GCGR: variants seen among roughly 807,000 people sequenced by gnomAD.
GCGR encodes glucagon receptor.
A neutral mutation model predicts 56.1 loss-of-function variants in GCGR; 41 were observed. The ratio of observed to expected loss-of-function variants is 0.73; its 90% CI spans 0.57 to 0.95. GCGR has a LOEUF of 0.95. Among genes scored for constraint, GCGR ranks in the 40% least tolerant of loss-of-function variants. GCGR has a pLI of 0.00. For synonymous variants in GCGR, 278 were observed against 271.1 expected, an observed-to-expected ratio of 1.03 and a Z score of -0.25; for missense variants, 595 against 638.2, an observed-to-expected ratio of 0.93 and a Z score of 0.73.
chr17:81,812,484 C>T lies in GCGR; in HGVS notation c.949-93C>T. On this transcript the variant is annotated intron_variant, in intron 10 of 13. Transcript: ENST00000400723. The surrounding 1 kb of genome is among the most constrained non-coding windows in gnomAD (Gnocchi z 8.5). ...GCCCAGGGCCTATCTTGCTGCCAGG[C>T]CCACCTGCAGGAGGGTCAGGTGGGG... 1 of 1,282,764 alleles carries T rather than the reference C, an allele frequency of 7.8e-7. No individual in the cohort carries two copies. The highest frequency in any genetic ancestry group is 1.1e-6 in the Non-Finnish European group (1 of 933,528). The allele number at this position is 1,282,764 out of a possible 1,614,324, so 79.5% of individuals were successfully genotyped here.
rs771337771 is a variant in GCGR at position 81,810,246 on chromosome 17, G to A, written c.163+362G>A. On this transcript the variant is annotated intron_variant, in intron 3 of 13. Coordinates refer to ENST00000400723, the MANE Select transcript of GCGR (RefSeq NM_000160.5). This position sits in a 1 kb window ranked among gnomAD's most constrained non-coding sequence, Gnocchi z 4.6. ...GGGACCCAGGGGCCTGGGAGGGCTC[G>A]GGTGGAGAGTGTATATCATGGCCTG... 5.5e-5 allele frequency: 22 copies of A among 397,712 alleles called. No individual in the cohort carries two copies. The highest frequency in any genetic ancestry group is 1.2e-4 in the African/African-American group (6 of 48,412). The allele number at this position is 397,712 out of a possible 1,614,324, so 24.6% of individuals were successfully genotyped here.
Position 81,806,277 on chromosome 17 carries a change from G to A in GCGR, c.-178+2028G>A, listed in dbSNP as rs1239148612. Among the ~76,000 whole-genome samples, 2 of 152,140 alleles carry A rather than the reference G, an allele frequency of 1.3e-5. No homozygotes were observed. Among genetic ancestry groups the A allele is most frequent in the Non-Finnish European group, 2.9e-5 (2 of 68,018 alleles). Reference sequence around the variant, plus strand: ...CTGCACCTCCTGCCTCACTATCAGAGACCCAGTGGAGAATTGCCTCCCACC... The same window carrying A: ...CTGCACCTCCTGCCTCACTATCAGAAACCCAGTGGAGAATTGCCTCCCACC... On this transcript the variant is annotated intron_variant, in intron 1 of 13. Transcript: ENST00000400723. This position sits in a 1 kb window ranked among gnomAD's most constrained non-coding sequence, Gnocchi z 6.5.
At position 81,811,316 on chromosome 17, in the gene GCGR, TG is replaced by T. The variant is rs1271647172; in HGVS notation, c.494del (p.Gly165AlafsTer22). The T allele has an allele frequency of 6.5e-7, 1 of 1,535,172 alleles. No homozygotes were observed. The highest frequency in any genetic ancestry group is 8.7e-7 in the Non-Finnish European group (1 of 1,146,016). ...LGALLLALAI[L>X]GGLSKLHCTR... ...GCCCTGCTCCTCGCCTTGGCCATCC[TG>T]GGGGGCCTCAGGTAGGATTCCGCCA... On this transcript the variant is annotated frameshift_variant, in exon 6 of 14. Transcript: ENST00000400723. LOFTEE classifies it high-confidence loss of function. The surrounding 1 kb of genome is among the most constrained non-coding windows in gnomAD (Gnocchi z 5.8).
At position 81,810,186 on chromosome 17, in the gene GCGR, T is replaced by C; in HGVS notation, c.163+302T>C. The C allele has an allele frequency of 2.1e-6, 1 of 476,384 alleles. No individual in the cohort carries two copies. Among genetic ancestry groups the C allele is most frequent in the Non-Finnish European group, 3.9e-6 (1 of 257,030 alleles). 29.5% of individuals were successfully genotyped at this position (476,384 alleles called of 1,614,324 possible). On this transcript the variant is annotated intron_variant, in intron 3 of 13. Coordinates refer to ENST00000400723, the MANE Select transcript of GCGR (RefSeq NM_000160.5). The surrounding 1 kb of genome is among the most constrained non-coding windows in gnomAD (Gnocchi z 4.6). ...AATACCACCTACAGCCCCGTGGAGT[T>C]TTCAGTGGGCAGACAGTGCCAGGGC...
chr17:81,813,788 G>A lies in GCGR; in HGVS notation c.*99G>A, dbSNP rs1003161795. 2 of 1,151,122 alleles carry A rather than the reference G, an allele frequency of 1.7e-6. No homozygotes were observed. Among genetic ancestry groups the A allele is most frequent in the Admixed American group, 4.9e-5 (2 of 40,556 alleles). The allele number at this position is 1,151,122 out of a possible 1,614,324, so 71.3% of individuals were successfully genotyped here. ...CCCAGCTGAGGCTGGGGGCGGGGGA[G>A]CCAACAGCAGCCCCCACCTACCCCC... On this transcript the variant is annotated 3_prime_UTR_variant, in exon 14 of 14. Coordinates refer to ENST00000400723, the MANE Select transcript of GCGR (RefSeq NM_000160.5). This position sits in a 1 kb window ranked among gnomAD's most constrained non-coding sequence, Gnocchi z 5.3.
chr17:81,812,389 G>T lies in GCGR; in HGVS notation c.948+137G>T. On this transcript the variant is annotated intron_variant, in intron 10 of 13. Transcript: ENST00000400723. This position sits in a 1 kb window ranked among gnomAD's most constrained non-coding sequence, Gnocchi z 8.5. ...ACCCAGACAGGACACCAGGACACTGGCCAGCACCCTGGACACTGAGCCAGG... is the reference window on the plus strand; with the variant it reads ...ACCCAGACAGGACACCAGGACACTGTCCAGCACCCTGGACACTGAGCCAGG... 1 of 1,103,416 alleles carries T rather than the reference G, an allele frequency of 9.1e-7. No individual in the cohort carries two copies. Among genetic ancestry groups the T allele is most frequent in the South Asian group, 1.4e-5 (1 of 69,486 alleles). 68.4% of individuals were successfully genotyped at this position (1,103,416 alleles called of 1,614,324 possible). A position where few individuals can be genotyped will look rare whatever the true frequency, so the allele number is the denominator to read the frequency against.
rs1162461697 is a variant in GCGR, at chr17:81,806,752, G to A, written c.-177-2090G>A. On this transcript the variant is annotated intron_variant, in intron 1 of 13. Transcript: ENST00000400723. This position sits in a 1 kb window ranked among gnomAD's most constrained non-coding sequence, Gnocchi z 6.5. ...TGTCATTTTGCCCAGGGAGCTCCTGGCTGGGTGGTCCTCCCCCCAGGGTGA... is the reference window on the plus strand; with the variant it reads ...TGTCATTTTGCCCAGGGAGCTCCTGACTGGGTGGTCCTCCCCCCAGGGTGA... Among the ~76,000 whole-genome samples the A allele has an allele frequency of 6.6e-6, 1 of 151,320 alleles. No individual in the cohort carries two copies. The highest frequency in any genetic ancestry group is 2.4e-5 in the African/African-American group (1 of 41,120).
rs766713158 is a variant in GCGR at position 81,811,218 on chromosome 17, G to A, written c.394-4G>A. 3.0e-5 allele frequency: 46 copies of A among 1,536,162 alleles called. No homozygotes were observed. In the Middle Eastern group the frequency reaches 1.0e-3, roughly 33 times the overall value. On this transcript the variant is annotated splice_polypyrimidine_tract_variant and splice_region_variant and intron_variant, in intron 5 of 13. Coordinates refer to ENST00000400723, the MANE Select transcript of GCGR (RefSeq NM_000160.5). The surrounding 1 kb of genome is among the most constrained non-coding windows in gnomAD (Gnocchi z 5.8). ...TGGCCCTCACAGGCCACTGTAACTC[G>A]CAGAAGGAGGTGGCCAAGATGTACA...
intron 1 of GCGR, among the ~76,000 whole-genome samples, chr17:81,808,376 A>C (rs902042132): frequency 1.1e-4 from 17 of 152,096 alleles, no homozygotes; most frequent in Non-Finnish European, 1.8e-4. Flanking sequence ...TCCCCCACCC[A>C]AGAGCATTGG....
chr17:81,805,129 C>T (rs1361820399), intron 1 of GCGR: 2 of 152,356 alleles, frequency 1.3e-5, no homozygotes, highest in Admixed American at 6.5e-5. Flanking sequence ...GCTCCCATCC[C>T]GGAGCTCCTC....
At chr17:81,809,108 G>A (rs2038020639) in intron 2 of GCGR, 30 bp downstream of exon 2, 4 of 1,532,914 alleles carry the variant, frequency 2.6e-6, no homozygotes, top group Non-Finnish European at 3.5e-6. Flanking sequence ...TCAGCACCCA[G>A]GGGCCCTCCT....
intron 1 of GCGR, among the ~76,000 whole-genome samples, chr17:81,808,450 T>TGCCA (rs1191861028): frequency 6.6e-6 from 1 of 151,238 alleles, no homozygotes; most frequent in Non-Finnish European, 1.5e-5. Context: ...CCCTCAGAGC[T>TGCCA]GCCAGCCAGC....
intron 1 of GCGR, among the ~76,000 whole-genome samples, chr17:81,808,083 C>A (rs2037998473): frequency 6.6e-6 from 1 of 152,270 alleles, no homozygotes; most frequent in Non-Finnish European, 1.5e-5. Flanking sequence ...CACCTAGGCA[C>A]CCCGGTGCTG....
intron 1 of GCGR, among the ~76,000 whole-genome samples, chr17:81,805,975 G>A (rs2037955665): frequency 3.9e-5 from 6 of 152,156 alleles, no homozygotes; most frequent in Admixed American, 3.9e-4. Flanking sequence ...CGGGGGAGAG[G>A]GCTGGGTGAG....
chr17:81,811,834 G>A lies in GCGR; in HGVS notation c.817+24G>A, dbSNP rs1356337157. On this transcript the variant is annotated intron_variant, in intron 8 of 13. Coordinates refer to ENST00000400723, the MANE Select transcript of GCGR (RefSeq NM_000160.5). This position sits in a 1 kb window ranked among gnomAD's most constrained non-coding sequence, Gnocchi z 5.8. Reference sequence around the variant, plus strand: ...GGGTGAGTGGGCTGGCATGAGAGGGGGTTAAGGCAGGCTGACCAAGCCTTT... The same window carrying A: ...GGGTGAGTGGGCTGGCATGAGAGGGAGTTAAGGCAGGCTGACCAAGCCTTT... 12 of 1,536,918 alleles carry A rather than the reference G, an allele frequency of 7.8e-6. 1 individual carries two copies. The South Asian group carries it at 9.5e-5, about 12-fold the overall frequency.
chr17:81,811,113 C>T lies in GCGR; in HGVS notation c.375C>T (p.Gly125=), dbSNP rs371636532. The part of the protein sequence containing the change: ...WRDASQCQMD[G]EEIEVQKEVA... ...ATGCCTCCCAGTGCCAGATGGATGG[C>T]GAGGAGATTGAGGTCCAGGTCAGTG... The change falls in exon 5 of 14, where the codon GGC becomes GGT. Residue 125 remains glycine (G), a synonymous_variant. Coordinates refer to ENST00000400723, the MANE Select transcript of GCGR (RefSeq NM_000160.5). The surrounding 1 kb of genome is among the most constrained non-coding windows in gnomAD (Gnocchi z 5.8). 294 of 1,536,182 alleles carry T rather than the reference C, an allele frequency of 1.9e-4. No homozygotes were observed. The highest frequency in any genetic ancestry group is 2.3e-4 in the Non-Finnish European group (266 of 1,146,804).
Position 81,810,928 on chromosome 17 carries a change from C to CA in GCGR, c.270dup (p.Val91SerfsTer27), listed in dbSNP as rs1303058247. 5 of 1,484,976 alleles carry CA rather than the reference C, an allele frequency of 3.4e-6. No homozygotes were observed. The highest frequency in any genetic ancestry group is 4.5e-6 in the Non-Finnish European group (5 of 1,113,152). 92.0% of individuals were successfully genotyped at this position (1,484,976 alleles called of 1,614,324 possible). A position where few individuals can be genotyped will look rare whatever the true frequency, so the allele number is the denominator to read the frequency against. On this transcript the variant is annotated frameshift_variant, in exon 4 of 14. Coordinates refer to ENST00000400723, the MANE Select transcript of GCGR (RefSeq NM_000160.5). LOFTEE classifies it high-confidence loss of function. The surrounding 1 kb of genome is among the most constrained non-coding windows in gnomAD (Gnocchi z 4.6). ...GCCCCTGGTACCTGCCTTGGCACCACAAAGGTACCCATAGAGGGGAGGAAC... is the reference window on the plus strand; with the variant it reads ...GCCCCTGGTACCTGCCTTGGCACCACAAAAGGTACCCATAGAGGGGAGGAAC...
In GCGR at chr17:81,812,479, C is replaced by G; in HGVS notation, c.949-98C>G. 2 of 1,239,734 alleles carry G rather than the reference C, an allele frequency of 1.6e-6. No individual in the cohort carries two copies. The highest frequency in any genetic ancestry group is 2.2e-6 in the Non-Finnish European group (2 of 895,236). 76.8% of individuals were successfully genotyped at this position (1,239,734 alleles called of 1,614,324 possible). A position where few individuals can be genotyped will look rare whatever the true frequency, so the allele number is the denominator to read the frequency against. On this transcript the variant is annotated intron_variant, in intron 10 of 13. Coordinates refer to ENST00000400723, the MANE Select transcript of GCGR (RefSeq NM_000160.5). The surrounding 1 kb of genome is among the most constrained non-coding windows in gnomAD (Gnocchi z 8.5). Reference sequence around the variant, plus strand: ...ATGTGGCCCAGGGCCTATCTTGCTGCCAGGCCCACCTGCAGGAGGGTCAGG... The same window carrying G: ...ATGTGGCCCAGGGCCTATCTTGCTGGCAGGCCCACCTGCAGGAGGGTCAGG...
chr17:81,812,162 G>A lies in GCGR; in HGVS notation c.879-21G>A. On this transcript the variant is annotated intron_variant, in intron 9 of 13. Transcript: ENST00000400723. The surrounding 1 kb of genome is among the most constrained non-coding windows in gnomAD (Gnocchi z 8.5). ...GGGGCTGGGGGCTGTGCCCCAGTAT[G>A]TGAGTGGCCTGGCCTCGCAGGTGCT... 4.6e-6 allele frequency: 7 copies of A among 1,536,094 alleles called. No individual in the cohort carries two copies. Among genetic ancestry groups the A allele is most frequent in the Non-Finnish European group, 6.1e-6 (7 of 1,146,758 alleles).
Sources: allele counts gnomAD v4.1 joint callset (sites outside exome capture counted in the v4.1 genomes callset), GRCh38; gene constraint gnomAD v4.1.1; non-coding constraint Gnocchi (gnomAD v3.1); transcripts MANE v1.5; gene names NCBI Gene and HGNC (gene_info 2026-07-23, HGNC 2026-07-21).